Variants in PDGFC observed in about 807,000 individuals in gnomAD.
PDGFC encodes the protein platelet derived growth factor C, also known as platelet-derived growth factor C.
Under a neutral mutation model 35.5 loss-of-function variants are expected in PDGFC, and 12 were observed. That is an observed-to-expected ratio of 0.34 (90% CI 0.22 to 0.55). PDGFC has a LOEUF of 0.55. Among genes scored for constraint, PDGFC ranks in the 20% least tolerant of loss-of-function variants. The pLI is 0.91. For synonymous variants in PDGFC, 159 were observed against 148.8 expected, an observed-to-expected ratio of 1.07 and a Z score of -0.50; for missense variants, 322 against 412.4, an observed-to-expected ratio of 0.78 and a Z score of 1.90.
chr4:156,888,441 A>T (rs1406801563), intron 1 of PDGFC, among the ~76,000 whole-genome samples: 1 of 152,202 alleles, frequency 6.6e-6, no homozygotes, highest in Non-Finnish European at 1.5e-5. Context: ...AGGAAACAAG[A>T]CCTTTTCTGA....
intron 1 of PDGFC, among the ~76,000 whole-genome samples, chr4:156,916,557 T>C (rs977838807): frequency 2.6e-5 from 4 of 152,202 alleles, no homozygotes; most frequent in Non-Finnish European, 5.9e-5. Flanking sequence ...TGAGCTTGTC[T>C]GTTTCACTGA....
intron 1 of PDGFC, among the ~76,000 whole-genome samples, chr4:156,854,822 A>T (rs953881826): frequency 2.0e-4 from 31 of 152,176 alleles, no homozygotes; most frequent in African/African-American, 7.2e-4. Flanking sequence ...CCAAACAAAA[A>T]AAAAGTTTAT....
At chr4:156,793,710 TAAAAC>T (rs1731361883) in intron 3 of PDGFC, among the ~76,000 whole-genome samples, 1 of 151,676 alleles carries the variant, frequency 6.6e-6, no homozygotes, top group African/African-American at 2.4e-5. Context: ...AACCTGACCT[TAAAAC>T]AAAGGTAACA....
chr4:156,847,426 T>C (rs1729352453), intron 2 of PDGFC, among the ~76,000 whole-genome samples: 1 of 151,680 alleles, frequency 6.6e-6, no homozygotes, highest in African/African-American at 2.4e-5. Flanking sequence ...TTCTACAAAA[T>C]ACCTGACCGT....
intron 3 of PDGFC, among the ~76,000 whole-genome samples, chr4:156,793,789 A>G (rs1372075111): frequency 6.6e-6 from 1 of 151,264 alleles, no homozygotes. Context: ...CCTCATGATA[A>G]TATATGGCAG....
chr4:156,815,719 C>A (rs548500769), intron 2 of PDGFC, among the ~76,000 whole-genome samples: 1 of 152,284 alleles, frequency 6.6e-6, no homozygotes, highest in Non-Finnish European at 1.5e-5. Flanking sequence ...TCTACACATG[C>A]CCAGGTGACT....
At chr4:156,805,552 T>C (rs1731734456) in intron 3 of PDGFC, among the ~76,000 whole-genome samples, 1 of 152,080 alleles carries the variant, frequency 6.6e-6, no homozygotes, top group Admixed American at 6.6e-5. Context: ...GGATTGGTGT[T>C]ATTATATTGC....
intron 1 of PDGFC, among the ~76,000 whole-genome samples, chr4:156,915,764 G>A (rs139391837): frequency 6.6e-6 from 1 of 152,092 alleles, no homozygotes; most frequent in Non-Finnish European, 1.5e-5. Context: ...CTGGGCAACA[G>A]AGTGAGACTC....
chr4:156,967,052 C>T (rs1321180508), intron 1 of PDGFC, among the ~76,000 whole-genome samples: 3 of 149,746 alleles, frequency 2.0e-5, no homozygotes, highest in Non-Finnish European at 3.0e-5. Flanking sequence ...GTAAAAAAGC[C>T]TTTAAACAAC....
At chr4:156,781,391 C>A (rs1730977337) in intron 3 of PDGFC, among the ~76,000 whole-genome samples, 1 of 152,192 alleles carries the variant, frequency 6.6e-6, no homozygotes. Context: ...ACACATTCTA[C>A]AACAAATGGT....
In PDGFC at chr4:156,865,662, C is replaced by T. The variant is rs61749089; in HGVS notation, c.119-15246G>A. 3.6e-3 allele frequency among the ~76,000 whole-genome samples: 549 copies of T among 152,152 alleles called. 4 individuals are homozygous for T. Among genetic ancestry groups the T allele is most frequent in the Middle Eastern group, 0.031 (9 of 294 alleles). On this transcript the variant is annotated intron_variant, in intron 1 of 5. Transcript: ENST00000502773. ...TCTAACTAGATTAAGACATTATGAA[C>T]AAAGAGGAGAAAAAAGTAATAAAAA...
chr4:156,929,773 A>G (rs1207093291), intron 1 of PDGFC, among the ~76,000 whole-genome samples: 1 of 152,212 alleles, frequency 6.6e-6, no homozygotes, highest in Non-Finnish European at 1.5e-5. Context: ...TGACTTATGG[A>G]TATTAGAAAT....
At position 156,763,030 on chromosome 4, in the gene PDGFC, C is replaced by G; in HGVS notation, c.*60G>C. 1 of 850,476 alleles carries G rather than the reference C, an allele frequency of 1.2e-6. No homozygotes were observed. The highest frequency in any genetic ancestry group is 2.1e-6 in the Non-Finnish European group (1 of 486,532). The allele number at this position is 850,476 out of a possible 1,614,324, so 52.7% of individuals were successfully genotyped here. On this transcript the variant is annotated 3_prime_UTR_variant, in exon 6 of 6. Coordinates refer to ENST00000502773, the MANE Select transcript of PDGFC (RefSeq NM_016205.3). ...AGGATGGAGATAACGCATACGTTCT[C>G]TAATAGAATCAGCCACTGCACTGCA...
chr4:156,815,359 CA>C (rs1291163203), intron 2 of PDGFC, among the ~76,000 whole-genome samples: 5 of 150,550 alleles, frequency 3.3e-5, no homozygotes, highest in Admixed American at 1.3e-4. Context: ...CACACACACA[CA>C]CACACACCCC....
chr4:156,943,282 C>T (rs1560884441), intron 1 of PDGFC, among the ~76,000 whole-genome samples: 1 of 152,220 alleles, frequency 6.6e-6, no homozygotes, highest in African/African-American at 2.4e-5. Context: ...CTCTGTTAAA[C>T]TGTTTTACTG....
At chr4:156,833,708 T>C (rs1728998287) in intron 2 of PDGFC, among the ~76,000 whole-genome samples, 2 of 152,218 alleles carry the variant, frequency 1.3e-5, no homozygotes, top group Non-Finnish European at 2.9e-5. Context: ...TAATAGCATA[T>C]CTTAGAGCAA....
intron 1 of PDGFC, among the ~76,000 whole-genome samples, chr4:156,936,823 G>T (rs1418081848): frequency 6.6e-6 from 1 of 152,130 alleles, no homozygotes; most frequent in Non-Finnish European, 1.5e-5. Flanking sequence ...AGCAGCAGAG[G>T]GGACTGAAAG....
chr4:156,850,494 A>C, intron 1 of PDGFC, 78 bp from the exon 2 acceptor site: 1 of 731,090 alleles, frequency 1.4e-6, no homozygotes, highest in Non-Finnish European at 2.2e-6. Context: ...TTTATTATTC[A>C]CACTTTACCT....
rs1292154075 is a variant in PDGFC at position 156,971,480 on chromosome 4, G to T, written c.-577C>A. The T allele has an allele frequency of 8.0e-6, 2 of 249,608 alleles. No individual in the cohort carries two copies. The highest frequency in any genetic ancestry group is 1.5e-5 in the Non-Finnish European group (2 of 132,540). 15.5% of individuals were successfully genotyped at this position (249,608 alleles called of 1,614,324 possible). Reference sequence around the variant, plus strand: ...GGCGCCGCGGCGGGTCCCACGGGCCGGGGCGCCGGAGCGGGGCCGGGGGGC... The same window carrying T: ...GGCGCCGCGGCGGGTCCCACGGGCCTGGGCGCCGGAGCGGGGCCGGGGGGC... On this transcript the variant is annotated 5_prime_UTR_variant, in exon 1 of 6. Coordinates refer to ENST00000502773, the MANE Select transcript of PDGFC (RefSeq NM_016205.3).
Sources: gnomAD v4.1 joint callset for allele counts (sites outside exome capture counted in the v4.1 genomes callset) on GRCh38, gnomAD v4.1.1 for gene constraint, MANE v1.5 for transcripts, NCBI Gene and HGNC (gene_info 2026-07-23, HGNC 2026-07-21) for gene names.